Variants in CELF2 observed in about 807,000 individuals in gnomAD.
CELF2 encodes CUGBP Elav-like family member 2.
A neutral mutation model predicts 62.6 loss-of-function variants in CELF2; 8 were observed. That is an observed-to-expected ratio of 0.13 (90% CI 0.07 to 0.23). The LOEUF (loss-of-function observed/expected upper bound fraction) is 0.23. CELF2 is among the 10% of genes least tolerant of loss of function. The pLI, the probability that CELF2 is intolerant of heterozygous loss-of-function variation, is 1.00. For synonymous variants in CELF2, 258 were observed against 250.0 expected (o/e 1.03, Z -0.30); for missense variants, 333 against 671.0 (o/e 0.50, Z 5.56).
chr10:10,861,879 A>G (rs2060062961), intron 1 of CELF2, among the ~76,000 whole-genome samples: 1 of 152,204 alleles, frequency 6.6e-6, no homozygotes, highest in African/African-American at 2.4e-5. Context: ...TCTAACCATT[A>G]TATAATTAGA....
At chr10:11,064,141 G>T (rs1331322417) in intron 1 of CELF2, among the ~76,000 whole-genome samples, 1 of 152,166 alleles carries the variant, frequency 6.6e-6, no homozygotes, top group African/African-American at 2.4e-5. Flanking sequence ...AAAAGATTGA[G>T]TCTTCTCGAA....
chr10:11,173,128 A>G (rs555883824), intron 2 of CELF2, among the ~76,000 whole-genome samples: 9 of 152,300 alleles, frequency 5.9e-5, no homozygotes, highest in Admixed American at 2.0e-4. Context: ...AGCAAGAAAG[A>G]GATAGCTCCC....
chr10:11,311,613 G>A lies in CELF2; in HGVS notation c.977-2526G>A, dbSNP rs1341501928. ...TTAAAAGAATTTGAAAAGCGAAAAA[G>A]CCACTGATTATGAAAAATGACCAAT... On this transcript the variant is annotated intron_variant, in intron 9 of 12. Coordinates refer to ENST00000633077, the MANE Select transcript of CELF2 (RefSeq NM_001326342.2). The surrounding 1 kb of genome is among the most constrained non-coding windows in gnomAD (Gnocchi z 4.7). Among the ~76,000 whole-genome samples the A allele has an allele frequency of 6.6e-6, 1 of 152,034 alleles. No individual in the cohort carries two copies. The highest frequency in any genetic ancestry group is 2.4e-5 in the African/African-American group (1 of 41,382).
chr10:10,538,852 T>C, the CELF2 span, among the ~76,000 whole-genome samples: 1 of 152,248 alleles, frequency 6.6e-6, no homozygotes, highest in Non-Finnish European at 1.5e-5. Context: ...CTTGCCCTCC[T>C]TACTAGTTCT....
chr10:11,332,959 C>T lies in CELF2; in HGVS notation c.*3906C>T, dbSNP rs182176699. The T allele has an allele frequency of 2.0e-5, 3 of 152,748 alleles. No homozygotes were observed. In the East Asian group the frequency reaches 5.8e-4, roughly 29 times the overall value. 9.5% of individuals were successfully genotyped at this position (152,748 alleles called of 1,614,324 possible). The stretch of plus-strand genomic sequence containing the variant: ...ACACGGTGTGTCTCGACACGTACCA[C>T]GTACGTGGAAACACAAGAGCCCACC... On this transcript the variant is annotated 3_prime_UTR_variant, in exon 13 of 13. Transcript: ENST00000633077.
At chr10:11,239,398 C>T (rs565452060) in intron 3 of CELF2, among the ~76,000 whole-genome samples, 4 of 152,292 alleles carry the variant, frequency 2.6e-5, no homozygotes, top group African/African-American at 9.6e-5. Flanking sequence ...GCACTGCTGG[C>T]TGTATATATC....
chr10:10,616,569 G>A, the CELF2 span, among the ~76,000 whole-genome samples: 2 of 151,778 alleles, frequency 1.3e-5, no homozygotes, highest in African/African-American at 2.4e-5. Context: ...GTGGGTCTTG[G>A]CATTATGCAC....
At chr10:11,028,069 A>G (rs555369713) in intron 1 of CELF2, among the ~76,000 whole-genome samples, 34 of 152,346 alleles carry the variant, frequency 2.2e-4, no homozygotes, top group Admixed American at 1.2e-3. Flanking sequence ...CCCATAAAGC[A>G]TTGTTGCTCC....
the CELF2 span, among the ~76,000 whole-genome samples, chr10:10,677,821 A>G: frequency 6.6e-6 from 1 of 152,158 alleles, no homozygotes; most frequent in African/African-American, 2.4e-5. Flanking sequence ...GGTCAATTTG[A>G]TTGAGTTGCT....
intron 2 of CELF2, among the ~76,000 whole-genome samples, chr10:11,204,210 C>T (rs534041738): frequency 8.5e-5 from 13 of 152,316 alleles, no homozygotes; most frequent in Non-Finnish European, 1.3e-4. Context: ...AACCTCTTTT[C>T]GGTATTTTCT....
chr10:11,038,572 G>T (rs2061335653), intron 1 of CELF2, among the ~76,000 whole-genome samples: 1 of 152,110 alleles, frequency 6.6e-6, no homozygotes, highest in Non-Finnish European at 1.5e-5. Context: ...TAGGAATTAT[G>T]ACAGGATTTC....
chr10:10,598,062 T>C, the CELF2 span, among the ~76,000 whole-genome samples: 2 of 152,188 alleles, frequency 1.3e-5, no homozygotes, highest in Non-Finnish European at 2.9e-5. Context: ...GTATCTGGGT[T>C]AAAAAGCATT....
the CELF2 span, among the ~76,000 whole-genome samples, chr10:10,555,058 A>G: frequency 6.6e-6 from 1 of 152,176 alleles, no homozygotes; most frequent in African/African-American, 2.4e-5. Context: ...AGGGGTTAGA[A>G]AAAGAAAGGG....
At chr10:10,882,166 G>T (rs2061480974) in intron 1 of CELF2, among the ~76,000 whole-genome samples, 1 of 152,128 alleles carries the variant, frequency 6.6e-6, no homozygotes, top group Non-Finnish European at 1.5e-5. Flanking sequence ...CTTGCATCTT[G>T]TGACTCATGA....
the CELF2 span, among the ~76,000 whole-genome samples, chr10:10,612,274 A>G: frequency 6.6e-6 from 1 of 152,196 alleles, no homozygotes; most frequent in Admixed American, 6.5e-5. Context: ...GGTTTTGGTC[A>G]ATTTCCCCAG....
intron 1 of CELF2, among the ~76,000 whole-genome samples, chr10:10,846,511 G>GTCAC (rs2059024004): frequency 6.6e-6 from 1 of 152,146 alleles, no homozygotes; most frequent in South Asian, 2.1e-4. Context: ...TCCTTTCCCT[G>GTCAC]TCACTTTCTT....
At chr10:10,634,085 C>T in the CELF2 span, among the ~76,000 whole-genome samples, 1 of 152,124 alleles carries the variant, frequency 6.6e-6, no homozygotes, top group East Asian at 1.9e-4. Context: ...ACTATATATG[C>T]TCTAGAATAA....
chr10:11,098,672 T>G lies in CELF2; in HGVS notation c.75-66814T>G, dbSNP rs143624529. Among the ~76,000 whole-genome samples, 26 of 152,350 alleles carry G rather than the reference T, an allele frequency of 1.7e-4. No individual in the cohort carries two copies. In the South Asian group the frequency reaches 5.2e-3, roughly 30 times the overall value. ...AAGTATAAATGTGTCATGAGCACACTGTTTTCTCTGTAGAAATAACAAAGG... is the reference window on the plus strand; with the variant it reads ...AAGTATAAATGTGTCATGAGCACACGGTTTTCTCTGTAGAAATAACAAAGG... On this transcript the variant is annotated intron_variant, in intron 1 of 12. Transcript: ENST00000633077. This position sits in a 1 kb window ranked among gnomAD's most constrained non-coding sequence, Gnocchi z 4.0.
At position 10,902,460 on chromosome 10, in the gene CELF2, G is replaced by A. The variant is rs1444434137; in HGVS notation, c.54-17504G>A. 3.9e-5 allele frequency among the ~76,000 whole-genome samples: 6 copies of A among 152,184 alleles called. 1 individual carries two copies. Among genetic ancestry groups the A allele is most frequent in the Admixed American group, 2.6e-4 (4 of 15,276 alleles). ...ACAGGCAACACCATGCGTGAATCCT[G>A]AAATAATTGTGCTGAGTAAAAGACG... is the stretch of plus-strand genomic sequence containing the variant. On this transcript the variant is annotated intron_variant, in intron 1 of 13. Transcript: ENST00000636488.
Sources: gnomAD v4.1 joint callset for allele counts (sites outside exome capture counted in the v4.1 genomes callset) on GRCh38, gnomAD v4.1.1 for gene constraint, Gnocchi (gnomAD v3.1) non-coding constraint, MANE v1.5 for transcripts, NCBI Gene and HGNC (gene_info 2026-07-23, HGNC 2026-07-21) for gene names.